Variants in CPED1 observed in about 807,000 individuals in gnomAD.
CPED1 encodes the protein cadherin like and PC-esterase domain containing 1, also known as cadherin-like and PC-esterase domain-containing protein 1.
In CPED1, 114 loss-of-function variants were observed where a neutral mutation model predicts 128.2. The observed-to-expected ratio is 0.89, with a 90% CI of 0.76 to 1.04. The LOEUF is 1.04. Among genes scored for constraint, CPED1 ranks in the 50% least tolerant of loss-of-function variants. CPED1 has a pLI of 0.00. For synonymous variants in CPED1, 462 were observed against 426.7 expected (o/e 1.08, Z -1.02); for missense variants, 1,211 against 1,207.1 (o/e 1.00, Z -0.05).
At chr7:121,108,501 TATA>T (rs1345259245) in intron 7 of CPED1, among the ~76,000 whole-genome samples, 5 of 152,130 alleles carry the variant, frequency 3.3e-5, no homozygotes, top group South Asian at 2.1e-4. Flanking sequence ...TATCATAAAA[TATA>T]ATAATCTTAA....
At chr7:121,018,120 A>G (rs1777660134) in intron 3 of CPED1, among the ~76,000 whole-genome samples, 1 of 152,148 alleles carries the variant, frequency 6.6e-6, no homozygotes, top group Non-Finnish European at 1.5e-5. Flanking sequence ...TGAGAACAAT[A>G]TGCATCAAAT....
At chr7:121,238,479 C>A (rs1263638328) in intron 17 of CPED1, among the ~76,000 whole-genome samples, 1 of 152,066 alleles carries the variant, frequency 6.6e-6, no homozygotes, top group Non-Finnish European at 1.5e-5. Context: ...CTCCGGGAAG[C>A]CTTTTTTCAC....
At chr7:121,139,394 G>GT (rs148380793) in intron 14 of CPED1, among the ~76,000 whole-genome samples, 2,678 of 147,370 alleles carry the variant, frequency 0.018, 66 homozygotes, top group African/African-American at 0.06. Context: ...AATATATAGG[G>GT]TTTTTTTTTT....
intron 18 of CPED1, among the ~76,000 whole-genome samples, chr7:121,252,950 TC>T (rs954794948): frequency 3.3e-5 from 5 of 152,128 alleles, no homozygotes; most frequent in Non-Finnish European, 7.4e-5. Flanking sequence ...GACCCAGCCA[TC>T]CCATTACTGG....
chr7:121,094,304 T>C (rs1794645993), intron 5 of CPED1, among the ~76,000 whole-genome samples: 2 of 152,186 alleles, frequency 1.3e-5, no homozygotes, highest in Admixed American at 1.3e-4. Flanking sequence ...TATTATTACT[T>C]CCCTATTAAT....
intron 7 of CPED1, among the ~76,000 whole-genome samples, chr7:121,103,158 T>C (rs1432142784): frequency 5.3e-5 from 8 of 152,168 alleles, no homozygotes; most frequent in Non-Finnish European, 1.0e-4. Flanking sequence ...CTTCATTCAC[T>C]ATCTCCTTTC....
At chr7:120,998,792 A>G (rs1796452927) in intron 2 of CPED1, among the ~76,000 whole-genome samples, 1 of 151,898 alleles carries the variant, frequency 6.6e-6, no homozygotes. Context: ...ATTTATAGGC[A>G]AGTCTTCAGT....
At chr7:121,258,177 A>G (rs1051348265) in intron 18 of CPED1, among the ~76,000 whole-genome samples, 1 of 152,078 alleles carries the variant, frequency 6.6e-6, no homozygotes, top group Non-Finnish European at 1.5e-5. Flanking sequence ...ACCACAGAGT[A>G]GAGTCCAGCT....
Position 121,097,917 on chromosome 7 carries a change from G to C in CPED1, c.749+86G>C, listed in dbSNP as rs1032199204. On this transcript the variant is annotated intron_variant, in intron 6 of 22. Transcript: ENST00000310396. ...GAAAAGCACAGAACAGATATGGGGG[G>C]TTCACATGTGTGAATTATTAGTTTC... 108 of 1,291,418 alleles carry C rather than the reference G, an allele frequency of 8.4e-5. No homozygotes were observed. The South Asian group carries it at 1.0e-3, about 12-fold the overall frequency. 80.0% of individuals were successfully genotyped at this position (1,291,418 alleles called of 1,614,324 possible). A position where few individuals can be genotyped will look rare whatever the true frequency, so the allele number is the denominator to read the frequency against.
At chr7:121,067,242 C>T (rs1793853951) in intron 5 of CPED1, among the ~76,000 whole-genome samples, 2 of 151,986 alleles carry the variant, frequency 1.3e-5, no homozygotes, top group South Asian at 2.1e-4. Context: ...TTAGGTATAT[C>T]TCCTAATGCT....
At chr7:121,186,719 G>T (rs930484269) in intron 16 of CPED1, among the ~76,000 whole-genome samples, 4 of 152,128 alleles carry the variant, frequency 2.6e-5, no homozygotes, top group Non-Finnish European at 5.9e-5. Flanking sequence ...ATGCTTAGCA[G>T]TCTAGTGGTT....
At chr7:121,244,390 C>T (rs1756606106) in intron 18 of CPED1, 52 bp downstream of exon 18, 1 of 1,598,240 alleles carries the variant, frequency 6.3e-7, no homozygotes, top group African/African-American at 1.3e-5. Flanking sequence ...ACCTGAAGTA[C>T]TAAAAATCGT....
chr7:121,141,939 C>T, intron 15 of CPED1, 34 bp from the exon 16 acceptor site: 1 of 1,580,714 alleles, frequency 6.3e-7, no homozygotes, highest in South Asian at 1.1e-5. Context: ...CTCCCCTATT[C>T]ATATTCTATT....
chr7:121,286,286 T>C (rs1457853737), intron 22 of CPED1, among the ~76,000 whole-genome samples: 1 of 152,086 alleles, frequency 6.6e-6, no homozygotes, highest in Non-Finnish European at 1.5e-5. Flanking sequence ...CACGATGAGA[T>C]TCAGGTGGGG....
At chr7:121,291,389 G>A (rs1016817858) in intron 22 of CPED1, among the ~76,000 whole-genome samples, 6 of 152,156 alleles carry the variant, frequency 3.9e-5, no homozygotes, top group African/African-American at 1.2e-4. Flanking sequence ...ATTACTTTGG[G>A]CAATATGGCC....
chr7:121,217,027 A>T (rs1797774348), intron 16 of CPED1, among the ~76,000 whole-genome samples: 1 of 151,678 alleles, frequency 6.6e-6, no homozygotes, highest in African/African-American at 2.4e-5. Context: ...AATATTCCCT[A>T]ATTGAGAGGT....
intron 16 of CPED1, among the ~76,000 whole-genome samples, chr7:121,210,343 A>G (rs186302809): frequency 4.8e-4 from 73 of 152,206 alleles, no homozygotes; most frequent in Admixed American, 1.3e-3. Context: ...AGCATATAGA[A>G]GAGATAGCTG....
chr7:121,036,322 G>A (rs1008697238), intron 3 of CPED1, among the ~76,000 whole-genome samples: 3 of 151,724 alleles, frequency 2.0e-5, no homozygotes, highest in East Asian at 1.9e-4. Context: ...TCATTCTTAC[G>A]CCTTTGCATC....
At chr7:121,291,052 A>T (rs1174974986) in intron 22 of CPED1, among the ~76,000 whole-genome samples, 1 of 152,206 alleles carries the variant, frequency 6.6e-6, no homozygotes, top group Non-Finnish European at 1.5e-5. Context: ...CTATTTATGA[A>T]ATAGGGAATC....
Sources: gnomAD v4.1 joint callset for allele counts (sites outside exome capture counted in the v4.1 genomes callset) on GRCh38, gnomAD v4.1.1 for gene constraint, MANE v1.5 for transcripts, NCBI Gene and HGNC (gene_info 2026-07-23, HGNC 2026-07-21) for gene names.